The following CPNE8 variants were observed in gnomAD, a reference collection of about 807,000 sequenced individuals.
CPNE8 encodes copine-8.
In CPNE8, 45 loss-of-function variants were observed where a neutral mutation model predicts 81.5. The observed-to-expected ratio is 0.55, with a 90% CI of 0.44 to 0.71. CPNE8 has a LOEUF of 0.71. Ranked by LOEUF, CPNE8 falls within the 30% of genes least tolerant of loss-of-function variation. The pLI is 0.00. For synonymous variants in CPNE8, 252 were observed against 226.3 expected, an observed-to-expected ratio of 1.11 and a Z score of -1.02; for missense variants, 594 against 672.1, an observed-to-expected ratio of 0.88 and a Z score of 1.28.
At chr12:38,702,981 T>C in intron 13 of CPNE8, 60 bp from the exon 14 acceptor site, 1 of 1,184,762 alleles carries the variant, frequency 8.4e-7, no homozygotes, top group Non-Finnish European at 1.2e-6. Flanking sequence ...AGGAGTTTCT[T>C]TTCCATTTCG....
intron 6 of CPNE8, among the ~76,000 whole-genome samples, chr12:38,813,701 C>T (rs1442583349): frequency 1.3e-5 from 2 of 152,168 alleles, no homozygotes; most frequent in African/African-American, 2.4e-5. Context: ...TTCACAGACA[C>T]ATTTGAGACT....
At chr12:38,782,458 G>C (rs1942075653) in intron 6 of CPNE8, among the ~76,000 whole-genome samples, 1 of 152,044 alleles carries the variant, frequency 6.6e-6, no homozygotes, top group African/African-American at 2.4e-5. Flanking sequence ...TTGTGGTTGT[G>C]TAAAAGAATA....
At chr12:38,758,626 T>C (rs1312725367) in intron 10 of CPNE8, among the ~76,000 whole-genome samples, 1 of 152,204 alleles carries the variant, frequency 6.6e-6, no homozygotes, top group African/African-American at 2.4e-5. Flanking sequence ...CCTCAGTTTC[T>C]TTATCTGTGA....
chr12:38,875,537 C>T (rs1394773472), intron 1 of CPNE8, among the ~76,000 whole-genome samples: 2 of 152,144 alleles, frequency 1.3e-5, no homozygotes, highest in Admixed American at 1.3e-4. Context: ...TCCACTAGGA[C>T]TACTATTCAT....
At chr12:38,811,598 A>G (rs2136987896) in intron 6 of CPNE8, among the ~76,000 whole-genome samples, 2 of 152,304 alleles carry the variant, frequency 1.3e-5, no homozygotes, top group Middle Eastern at 6.8e-3. Context: ...CTCACATTTG[A>G]AGTCCCAGCA....
At chr12:38,880,964 A>G (rs1303132772) in intron 1 of CPNE8, among the ~76,000 whole-genome samples, 3 of 152,174 alleles carry the variant, frequency 2.0e-5, no homozygotes, top group Admixed American at 6.5e-5. Context: ...TAATCCCAGC[A>G]CTTTGGGAGG....
At chr12:38,745,033 A>C (rs555749022) in intron 10 of CPNE8, among the ~76,000 whole-genome samples, 143 of 152,296 alleles carry the variant, frequency 9.4e-4, no homozygotes, top group African/African-American at 3.4e-3. Context: ...CCTGATTCTG[A>C]GTCAGAAAGT....
intron 10 of CPNE8, among the ~76,000 whole-genome samples, chr12:38,754,588 T>G (rs1284231754): frequency 6.6e-6 from 1 of 151,684 alleles, no homozygotes; most frequent in Non-Finnish European, 1.5e-5. Context: ...TAAATGAAGA[T>G]GTACAGAAGT....
intron 6 of CPNE8, among the ~76,000 whole-genome samples, chr12:38,819,495 C>T (rs761047081): frequency 2.0e-5 from 3 of 152,040 alleles, no homozygotes; most frequent in Non-Finnish European, 4.4e-5. Context: ...GGGCCGGGCG[C>T]GGTGGCTCAC....
intron 13 of CPNE8, among the ~76,000 whole-genome samples, chr12:38,721,873 C>A (rs1431176046): frequency 6.6e-6 from 1 of 152,206 alleles, no homozygotes; most frequent in Non-Finnish European, 1.5e-5. Flanking sequence ...GAGCTGGTAC[C>A]TATGCCAGCA....
At chr12:38,823,645 A>T (rs922035205) in intron 6 of CPNE8, among the ~76,000 whole-genome samples, 2 of 152,138 alleles carry the variant, frequency 1.3e-5, no homozygotes, top group Non-Finnish European at 2.9e-5. Flanking sequence ...TTTTTCCCTG[A>T]TCCTTTTATA....
At chr12:38,699,283 T>C (rs1939874512) in intron 14 of CPNE8, among the ~76,000 whole-genome samples, 1 of 152,222 alleles carries the variant, frequency 6.6e-6, no homozygotes, top group African/African-American at 2.4e-5. Context: ...ACAATCAGTA[T>C]ACTATAAAAA....
intron 13 of CPNE8, among the ~76,000 whole-genome samples, chr12:38,707,884 G>A (rs893669705): frequency 2.6e-5 from 4 of 152,116 alleles, no homozygotes; most frequent in Admixed American, 6.6e-5. Flanking sequence ...ATGATTTATG[G>A]AGCACCTTTC....
At chr12:38,847,210 G>A (rs540277574) in intron 4 of CPNE8, among the ~76,000 whole-genome samples, 1 of 152,094 alleles carries the variant, frequency 6.6e-6, no homozygotes, top group South Asian at 2.1e-4. Context: ...AAACAATGCA[G>A]ATGAATGAGA....
At chr12:38,726,517 T>C (rs1256017365) in intron 11 of CPNE8, 2 of 152,176 alleles carry the variant, frequency 1.3e-5, no homozygotes, top group African/African-American at 4.8e-5. Context: ...GCAGGTTGTT[T>C]GGAGGAGAAA....
chr12:38,764,596 G>A (rs796401210), intron 8 of CPNE8, among the ~76,000 whole-genome samples: 4 of 114,240 alleles, frequency 3.5e-5, no homozygotes, highest in African/African-American at 1.4e-4. Flanking sequence ...CAGCCTGGGC[G>A]ACAGAGCGAG....
chr12:38,765,300 A>G (rs1941664640), intron 8 of CPNE8, among the ~76,000 whole-genome samples: 1 of 152,150 alleles, frequency 6.6e-6, no homozygotes, highest in Non-Finnish European at 1.5e-5. Flanking sequence ...AGTATTATAA[A>G]AATATATTTT....
intron 1 of CPNE8, among the ~76,000 whole-genome samples, chr12:38,904,344 CCTT>C (rs1565671272): frequency 1.3e-5 from 2 of 152,164 alleles, no homozygotes. Context: ...TCGCTCATCT[CCTT>C]CTCAAAATCA....
At chr12:38,663,091 G>C (rs905449977) in intron 19 of CPNE8, among the ~76,000 whole-genome samples, 1 of 151,994 alleles carries the variant, frequency 6.6e-6, no homozygotes. Context: ...AAAATTGTAT[G>C]AATAAGGCCT....
Sources: allele counts gnomAD v4.1 joint callset (sites outside exome capture counted in the v4.1 genomes callset), GRCh38; gene constraint gnomAD v4.1.1; transcripts MANE v1.5; gene names NCBI Gene and HGNC (gene_info 2026-07-23, HGNC 2026-07-21).